Variants in BAZ2A observed in about 807,000 individuals in gnomAD.
BAZ2A encodes bromodomain adjacent to zinc finger domain 2A.
A neutral mutation model predicts 199.9 loss-of-function variants in BAZ2A; 34 were observed. The ratio of observed to expected loss-of-function variants is 0.17; its 90% confidence interval spans 0.13 to 0.23. The LOEUF is 0.23. Among genes scored for constraint, BAZ2A ranks in the 10% least tolerant of loss-of-function variants. The pLI, the probability that BAZ2A is intolerant of heterozygous loss-of-function variation, is 1.00. For missense variants in BAZ2A, 2,002 were observed against 2,391.1 expected, an observed-to-expected ratio of 0.84 and a Z score of 3.39; for synonymous variants, 857 against 883.9, an observed-to-expected ratio of 0.97 and a Z score of 0.54.
At chr12:56,603,773 G>A in intron 16 of BAZ2A, 73 bp from the exon 17 acceptor site, 1 of 1,554,336 alleles carries the variant, frequency 6.4e-7, no homozygotes, top group Non-Finnish European at 8.8e-7. Context: ...AGCACTTTGG[G>A]AGGCCAAGAC....
intron 1 of BAZ2A, among the ~76,000 whole-genome samples, chr12:56,622,939 T>A (rs1207601479): frequency 1.3e-5 from 2 of 152,104 alleles, no homozygotes; most frequent in African/African-American, 4.8e-5. Context: ...TGACATGGTT[T>A]AATAGAAAAA....
Position 56,601,115 on chromosome 12 carries a change from T to C in BAZ2A, c.4295-17A>G, listed in dbSNP as rs768169308. 9.9e-6 allele frequency: 16 copies of C among 1,613,540 alleles called. No homozygotes were observed. On this transcript the variant is annotated splice_polypyrimidine_tract_variant and intron_variant, in intron 21 of 28. Transcript: ENST00000549884. ...AGCACATCTCTGTGAGCAGATGAGA[T>C]ATATGTGGGGCGCCAGCTGTGAAGC... is the stretch of plus-strand genomic sequence containing the variant.
intron 1 of BAZ2A, among the ~76,000 whole-genome samples, chr12:56,623,510 A>T (rs1325429704): frequency 6.6e-6 from 1 of 152,232 alleles, no homozygotes; most frequent in Non-Finnish European, 1.5e-5. Flanking sequence ...CTAAACAGCA[A>T]AGGCAAATTC....
At chr12:56,602,238 G>A in intron 19 of BAZ2A, 46 bp from the exon 20 acceptor site, 4 of 1,463,958 alleles carry the variant, frequency 2.7e-6, no homozygotes, top group Non-Finnish European at 3.7e-6. Context: ...ACATACAAGG[G>A]AAAAGTAAGA....
At chr12:56,607,856 G>A (rs557963169) in intron 10 of BAZ2A, among the ~76,000 whole-genome samples, 19 of 152,116 alleles carry the variant, frequency 1.2e-4, no homozygotes, top group African/African-American at 3.1e-4. Flanking sequence ...TGAAGCAGGC[G>A]GATCACCTGA....
chr12:56,614,128 C>T lies in BAZ2A; in HGVS notation c.741G>A (p.Met247Ile), dbSNP rs369725892. 15 of 1,613,572 alleles carry T rather than the reference C, an allele frequency of 9.3e-6. No individual in the cohort carries two copies. The highest frequency in any genetic ancestry group is 1.3e-5 in the Non-Finnish European group (15 of 1,179,638). ...AAGGGACAGAGCCATTGTAGCCACA[C>T]ATCTTCAGTTCTAGGAAATCACAGG... Reference protein sequence around the residue: ...ELEEEQPELKMCGYNGSVPSV... With the variant: ...ELEEEQPELKICGYNGSVPSV... Residue 247 changes from methionine to isoleucine, a missense_variant, in exon 4 of 29, where the codon ATG becomes ATA. This residue lies in a region of BAZ2A where 641 missense variants were observed against 694.5 expected (regional missense o/e 0.92). Coordinates refer to ENST00000549884, the MANE Select transcript of BAZ2A (RefSeq NM_001300905.2).
Position 56,600,489 on chromosome 12 carries a change from C to T in BAZ2A, c.4604G>A (p.Gly1535Asp). ...AGAGTCTGGGCTAGGACATGTCCAGCCCTTCAGTTAAGAGAGAGGAATAAA... is the reference window on the plus strand; with the variant it reads ...AGAGTCTGGGCTAGGACATGTCCAGTCCTTCAGTTAAGAGAGAGGAATAAA... The part of the protein sequence containing the change: ...RVIMSDLQIR[G>D]WTCPSPDSTR... Residue 1535 changes from glycine to aspartate, a missense_variant and splice_region_variant, in exon 24 of 29, where the codon GGC becomes GAC. Coordinates refer to ENST00000549884, the MANE Select transcript of BAZ2A (RefSeq NM_001300905.2). 1 of 1,611,868 alleles carries T rather than the reference C, an allele frequency of 6.2e-7. No individual in the cohort carries two copies. The highest frequency in any genetic ancestry group is 1.1e-5 in the South Asian group (1 of 91,070).
chr12:56,634,903 C>G, upstream of BAZ2A: 3 of 985,114 alleles, frequency 3.0e-6, no homozygotes, highest in Non-Finnish European at 3.6e-6. Flanking sequence ...AGGAACGGCC[C>G]GCCAAGGGAC....
In BAZ2A at chr12:56,602,180, A is replaced by G; in HGVS notation, c.3437T>C (p.Val1146Ala). The G allele has an allele frequency of 6.3e-7, 1 of 1,581,350 alleles. No individual in the cohort carries two copies. The highest frequency in any genetic ancestry group is 8.6e-7 in the Non-Finnish European group (1 of 1,162,770). ...GTEGNLVPEE[V>A]IKKETDSLKV... The stretch of plus-strand genomic sequence containing the variant: ...TAAGGAGTCAGTTTCCTTCTTTATC[A>G]CCTCCTCAGGAACTGTAAAGAGAAG... The change falls in exon 20 of 29, where the codon GTG (valine) becomes GCG (alanine). Residue 1146 changes from valine to alanine, a missense_variant. Transcript: ENST00000549884.
At chr12:56,629,596 T>C (rs2958128) in intron 1 of BAZ2A, among the ~76,000 whole-genome samples, 152,240 of 152,262 alleles carry the variant, frequency 1, 76,109 homozygotes, top group Non-Finnish European at 1. Context: ...CTCCTGATCT[T>C]CACGCTCAAG....
Position 56,627,966 on chromosome 12 carries a change from G to A in BAZ2A, c.-3+2159C>T, listed in dbSNP as rs368009997. Among the ~76,000 whole-genome samples, 352 of 151,856 alleles carry A rather than the reference G, an allele frequency of 2.3e-3. 1 individual carries two copies. Among genetic ancestry groups the A allele is most frequent in the African/African-American group, 8.1e-3 (336 of 41,458 alleles). ...GGAGGCCGAGGTGGGTAGATCACCT[G>A]AGGTCAGGAATTCGAGACCAGCCTG... On this transcript the variant is annotated intron_variant, in intron 1 of 28. Transcript: ENST00000549884.
At chr12:56,611,310 G>T in intron 7 of BAZ2A, 4 of 551,792 alleles carry the variant, frequency 7.2e-6, no homozygotes, top group Non-Finnish European at 9.6e-6. Context: ...GTTTGGAAAA[G>T]ATAATAGCTG....
chr12:56,609,282 C>T (rs1397934161), intron 10 of BAZ2A, among the ~76,000 whole-genome samples: 3 of 151,516 alleles, frequency 2.0e-5, no homozygotes, highest in African/African-American at 4.8e-5. Context: ...TCAAGTGATC[C>T]TCTGCTGCCT....
At chr12:56,610,592 C>T in intron 7 of BAZ2A, 75 bp from the exon 8 acceptor site, 1 of 1,355,762 alleles carries the variant, frequency 7.4e-7, no homozygotes, top group East Asian at 2.5e-5. Context: ...GCGCGAAGCC[C>T]TCTGAGCAGA....
rs1950290730 is a variant in BAZ2A at position 56,604,754 on chromosome 12, T to C, written c.2794A>G (p.Arg932Gly). 6.2e-7 allele frequency: 1 copy of C among 1,613,772 alleles called. No individual in the cohort carries two copies. The highest frequency in any genetic ancestry group is 8.5e-7 in the Non-Finnish European group (1 of 1,179,804). Reference sequence around the variant, plus strand: ...CGCAGGATCTCTGACACATTGTCTCTTGTCAGTGGGATCTCAGACACCTTC... The same window carrying C: ...CGCAGGATCTCTGACACATTGTCTCCTGTCAGTGGGATCTCAGACACCTTC... ...GEKVSEIPLT[R>G]DNVSEILRCF... is the part of the protein sequence containing the mutation. Residue 932 changes from arginine (R) to glycine (G), a missense_variant, in exon 15 of 29, where the codon AGA becomes GGA. Arg to Gly is a moderately radical substitution (Grantham distance 125). Coordinates refer to ENST00000549884, the MANE Select transcript of BAZ2A (RefSeq NM_001300905.2).
chr12:56,598,790 AG>A lies in BAZ2A; in HGVS notation c.5547-8del. 6.2e-7 allele frequency: 1 copy of A among 1,611,292 alleles called. No individual in the cohort carries two copies. Among genetic ancestry groups the A allele is most frequent in the Non-Finnish European group, 8.5e-7 (1 of 1,178,598 alleles). ...CTCCTCTGAGCTGGTGTACCTGGAC[AG>A]GGCAGGGGCAAAACTGTGAGCTGGG... On this transcript the variant is annotated splice_polypyrimidine_tract_variant and splice_region_variant and intron_variant, in intron 28 of 28. Coordinates refer to ENST00000549884, the MANE Select transcript of BAZ2A (RefSeq NM_001300905.2).
At position 56,596,648 on chromosome 12, in the gene BAZ2A, A is replaced by T. The variant is rs1291793216; in HGVS notation, c.*1970T>A. 3 of 152,584 alleles carry T rather than the reference A, an allele frequency of 2.0e-5. No homozygotes were observed. The highest frequency in any genetic ancestry group is 6.5e-5 in the Admixed American group (1 of 15,278). The allele number at this position is 152,584 out of a possible 1,614,324, so 9.5% of individuals were successfully genotyped here. A position where few individuals can be genotyped will look rare whatever the true frequency, so the allele number is the denominator to read the frequency against. The stretch of plus-strand genomic sequence containing the variant: ...CCAGGGGGAAAAAGCAGAGCCCCCA[A>T]CTCTAACAGTTTCAACTGTCTAACA... On this transcript the variant is annotated 3_prime_UTR_variant, in exon 29 of 29. Coordinates refer to ENST00000549884, the MANE Select transcript of BAZ2A (RefSeq NM_001300905.2).
At chr12:56,638,173 A>G, upstream of BAZ2A, 2 of 640,956 alleles carry the variant, frequency 3.1e-6, no homozygotes, top group Non-Finnish European at 5.3e-6. Flanking sequence ...GAATCAGACA[A>G]ATTCTGAGGG....
rs1352252671 is a variant in BAZ2A at position 56,597,873 on chromosome 12, G to A, written c.*745C>T. 1 of 152,642 alleles carries A rather than the reference G, an allele frequency of 6.6e-6. No homozygotes were observed. The highest frequency in any genetic ancestry group is 2.4e-5 in the African/African-American group (1 of 41,418). The allele number at this position is 152,642 out of a possible 1,614,324, so 9.5% of individuals were successfully genotyped here. On this transcript the variant is annotated 3_prime_UTR_variant, in exon 29 of 29. Transcript: ENST00000549884. The stretch of plus-strand genomic sequence containing the variant: ...AAAGGCTGGAAACTCAGCATGTGAG[G>A]AGCATCCAACATCATACAGGGGATA...
Sources: allele counts gnomAD v4.1 joint callset (sites outside exome capture counted in the v4.1 genomes callset), GRCh38; gene constraint gnomAD v4.1.1; regional missense constraint gnomAD v4.1.1; transcripts MANE v1.5; gene names NCBI Gene and HGNC (gene_info 2026-07-23, HGNC 2026-07-21).